ZC3H7B: variants seen among roughly 807,000 people sequenced by gnomAD.
The protein encoded by ZC3H7B is zinc finger CCCH domain-containing protein 7B.
In ZC3H7B, 35 loss-of-function variants were observed where a neutral mutation model predicts 116.0. That is an observed-to-expected ratio of 0.30 (90% CI 0.23 to 0.40). The LOEUF (loss-of-function observed/expected upper bound fraction) is 0.40. Ranked by LOEUF, ZC3H7B falls within the 10% of genes least tolerant of loss-of-function variation. ZC3H7B has a pLI of 1.00. For synonymous variants in ZC3H7B, 502 were observed against 545.6 expected, an observed-to-expected ratio of 0.92 and a Z score of 1.11; for missense variants, 1,011 against 1,321.5, an observed-to-expected ratio of 0.77 and a Z score of 3.64.
chr22:41,340,099 C>G lies in ZC3H7B; in HGVS notation c.1100C>G (p.Ser367Trp). ...CTGGATGCACTCGACAGCTTTGGGT[C>G]GACACGAGGCTCCCTGGACAAACCT... The part of the protein sequence containing the change: ...TRLDALDSFG[S>W]TRGSLDKPDS... Residue 367 changes from serine (S) to tryptophan (W), a missense_variant, in exon 10 of 23, where the codon TCG (serine) becomes TGG (tryptophan). Physicochemically the swap from Ser to Trp is radical, Grantham distance 177. Transcript: ENST00000352645. The G allele has an allele frequency of 1.2e-6, 2 of 1,611,086 alleles. No homozygotes were observed. The highest frequency in any genetic ancestry group is 1.7e-6 in the Non-Finnish European group (2 of 1,179,280).
chr22:41,325,172 G>A (rs1162684258), intron 2 of ZC3H7B, among the ~76,000 whole-genome samples: 2 of 152,172 alleles, frequency 1.3e-5, no homozygotes, highest in Non-Finnish European at 2.9e-5. Flanking sequence ...AGCAGGGACT[G>A]GGGCTAGGTC....
intron 4 of ZC3H7B, among the ~76,000 whole-genome samples, chr22:41,326,522 C>T (rs574097236): frequency 3.3e-5 from 5 of 151,770 alleles, no homozygotes; most frequent in Middle Eastern, 3.4e-3. Flanking sequence ...CCCATAGCCT[C>T]AGCCTCCTCA....
rs1395692996 is a variant in ZC3H7B at position 41,356,344 on chromosome 22, C to G, written c.2385C>G (p.Ile795Met). The G allele has an allele frequency of 1.2e-5, 19 of 1,614,076 alleles. No homozygotes were observed. Among genetic ancestry groups the G allele is most frequent in the Admixed American group, 1.7e-5 (1 of 60,022 alleles). ...GCCCTGTCCCTGTCCCCTGCCCAGT[C>G]CTGGACATGCAGCAGACCTATGACA... ...DMWTFMKENK[I>M]LDMQQTYDMW... The change falls in exon 21 of 23, where the codon ATC (isoleucine) becomes ATG (methionine). Residue 795 changes from isoleucine (I) to methionine (M), a missense_variant and splice_region_variant. Coordinates refer to ENST00000352645, the MANE Select transcript of ZC3H7B (RefSeq NM_017590.6).
Position 41,357,487 on chromosome 22 carries a change from G to C in ZC3H7B, c.*58G>C. The C allele has an allele frequency of 6.4e-7, 1 of 1,570,382 alleles. No homozygotes were observed. The highest frequency in any genetic ancestry group is 1.7e-5 in the Admixed American group (1 of 58,984). On this transcript the variant is annotated 3_prime_UTR_variant, in exon 23 of 23. Transcript: ENST00000352645. The surrounding 1 kb of genome is among the most constrained non-coding windows in gnomAD (Gnocchi z 5.4). ...GTCAGGGGGTGGGGTGGGGCCAGAA[G>C]GCCTGATAGAAGGGTCAGGGCAGGC...
At chr22:41,352,719 G>T (rs773928354) in intron 17 of ZC3H7B, among the ~76,000 whole-genome samples, 3 of 151,802 alleles carry the variant, frequency 2.0e-5, no homozygotes, top group African/African-American at 7.3e-5. Context: ...CTGAGATCAC[G>T]CTGTTGCACT....
chr22:41,303,195 T>C (rs1225626555), intron 1 of ZC3H7B, among the ~76,000 whole-genome samples: 1 of 152,056 alleles, frequency 6.6e-6, no homozygotes, highest in Non-Finnish European at 1.5e-5. Context: ...TGGTCAACAG[T>C]TGGATGGAGC....
intron 11 of ZC3H7B, 91 bp from the exon 12 acceptor site, chr22:41,342,436 CAT>C: frequency 8.4e-7 from 1 of 1,193,992 alleles, no homozygotes; most frequent in Non-Finnish European, 1.2e-6. Context: ...ATAGGGGGGT[CAT>C]AGAGCACTCC....
At chr22:41,337,405 G>GTCATTTCATCCTGATAGCCT (rs1321678128) in intron 7 of ZC3H7B, among the ~76,000 whole-genome samples, 3 of 152,104 alleles carry the variant, frequency 2.0e-5, no homozygotes, top group African/African-American at 7.2e-5. Context: ...CACATAGCAA[G>GTCATTTCATCCTGATAGCCT]TCATTTCATC....
Position 41,327,099 on chromosome 22 carries a change from T to C in ZC3H7B, c.286-107T>C. The C allele has an allele frequency of 6.7e-7, 1 of 1,501,578 alleles. No individual in the cohort carries two copies. Among genetic ancestry groups the C allele is most frequent in the Non-Finnish European group, 9.0e-7 (1 of 1,115,060 alleles). The allele number at this position is 1,501,578 out of a possible 1,614,324, so 93.0% of individuals were successfully genotyped here. A position where few individuals can be genotyped will look rare whatever the true frequency, so the allele number is the denominator to read the frequency against. On this transcript the variant is annotated intron_variant, in intron 4 of 22. Transcript: ENST00000352645. The surrounding 1 kb of genome is among the most constrained non-coding windows in gnomAD (Gnocchi z 4.5). ...CTGACCCAAGACTTCAGCTCCTCTG[T>C]CTCTGCCAGGAAGGGAAGCTGGTGT...
rs1213779893 is a variant in ZC3H7B at position 41,359,793 on chromosome 22, C to T, written c.*2364C>T. 1 of 150,612 alleles carries T rather than the reference C, an allele frequency of 6.6e-6. No individual in the cohort carries two copies. Among genetic ancestry groups the T allele is most frequent in the African/African-American group, 2.5e-5 (1 of 40,640 alleles). The allele number at this position is 150,612 out of a possible 1,614,324, so 9.3% of individuals were successfully genotyped here. On this transcript the variant is annotated 3_prime_UTR_variant, in exon 23 of 23. Coordinates refer to ENST00000352645, the MANE Select transcript of ZC3H7B (RefSeq NM_017590.6). ...AAGACCCTTTTAATGATGAGGGTAACTATTTCAGTTGTGAGCCTTCTAGGG... is the reference window on the plus strand; with the variant it reads ...AAGACCCTTTTAATGATGAGGGTAATTATTTCAGTTGTGAGCCTTCTAGGG...
At chr22:41,333,454 C>G (rs2036407243) in intron 7 of ZC3H7B, 1 of 152,086 alleles carries the variant, frequency 6.6e-6, no homozygotes, top group Non-Finnish European at 1.5e-5. Flanking sequence ...AATGAAACCC[C>G]ATCCCTGCCA....
At position 41,330,088 on chromosome 22, in the gene ZC3H7B, G is replaced by A. The variant is rs749173065; in HGVS notation, c.510G>A (p.Ala170=). The change falls in exon 6 of 23, where the codon GCG becomes GCA. Residue 170 remains alanine, a synonymous_variant. Coordinates refer to ENST00000352645, the MANE Select transcript of ZC3H7B (RefSeq NM_017590.6). ...AQKLGLRVRK[A]YKRPQELETF... ...AACTGGGGCTGCGAGTTCGCAAGGC[G>A]TATAAGAGGCCCCAGGTAGGTGGGT... 145 of 1,613,790 alleles carry A rather than the reference G, an allele frequency of 9.0e-5. No homozygotes were observed. The East Asian group carries it at 1.2e-3, about 14-fold the overall frequency.
At chr22:41,354,527 C>G (rs1018873693) in intron 17 of ZC3H7B, among the ~76,000 whole-genome samples, 3 of 152,116 alleles carry the variant, frequency 2.0e-5, no homozygotes, top group Non-Finnish European at 1.5e-5. Flanking sequence ...GGGGGAGTTC[C>G]TATGGCAGGA....
Position 41,357,425 on chromosome 22 carries a change from A to C in ZC3H7B, c.2930A>C (p.Glu977Ala). The C allele has an allele frequency of 7.2e-7, 1 of 1,383,928 alleles. No individual in the cohort carries two copies. Among genetic ancestry groups the C allele is most frequent in the Middle Eastern group, 2.0e-4 (1 of 4,904 alleles). The allele number at this position is 1,383,928 out of a possible 1,614,324, so 85.7% of individuals were successfully genotyped here. ...PAAAATATTG[E>A] Reference sequence around the variant, plus strand: ...GCTGCTGCCACCGCCACCACTGGGGAGTAGGGCCAGGTGTTGGCCGTGGGT... The same window carrying C: ...GCTGCTGCCACCGCCACCACTGGGGCGTAGGGCCAGGTGTTGGCCGTGGGT... Residue 977 changes from glutamate to alanine, a missense_variant, in exon 23 of 23, where the codon GAG becomes GCG. By Grantham distance (107) the Glu-to-Ala change is moderately radical (BLOSUM62 -1). This residue lies in a region of ZC3H7B where 406 missense variants were observed against 590.2 expected (regional missense o/e 0.69). Transcript: ENST00000352645. The surrounding 1 kb of genome is among the most constrained non-coding windows in gnomAD (Gnocchi z 5.4).
chr22:41,305,276 C>T (rs999008237), intron 1 of ZC3H7B, among the ~76,000 whole-genome samples: 2 of 150,408 alleles, frequency 1.3e-5, no homozygotes, highest in East Asian at 2.0e-4. Flanking sequence ...ACCCAGGAGG[C>T]GGAGCTTGCA....
chr22:41,313,330 T>C (rs1045619822), intron 1 of ZC3H7B, among the ~76,000 whole-genome samples: 2 of 152,024 alleles, frequency 1.3e-5, no homozygotes, highest in Non-Finnish European at 2.9e-5. Context: ...CGTGACGAGG[T>C]CTGGATCTCC....
At chr22:41,306,819 C>G (rs899442896) in intron 1 of ZC3H7B, among the ~76,000 whole-genome samples, 1 of 152,044 alleles carries the variant, frequency 6.6e-6, no homozygotes, top group Non-Finnish European at 1.5e-5. Context: ...TGGAGCTGGC[C>G]TGGTGTGGGC....
chr22:41,352,161 G>T (rs747414811), intron 17 of ZC3H7B, among the ~76,000 whole-genome samples: 2 of 152,152 alleles, frequency 1.3e-5, no homozygotes, highest in Non-Finnish European at 2.9e-5. Context: ...ATGAAGAAAC[G>T]GTTCTTTAGT....
At position 41,327,713 on chromosome 22, in the gene ZC3H7B, A is replaced by C. The variant is rs1056746994; in HGVS notation, c.444+349A>C. 3.3e-5 allele frequency among the ~76,000 whole-genome samples: 5 copies of C among 152,234 alleles called. No homozygotes were observed. In the South Asian group the frequency reaches 1.0e-3, roughly 32 times the overall value. On this transcript the variant is annotated intron_variant, in intron 5 of 22. Transcript: ENST00000352645. The surrounding 1 kb of genome is among the most constrained non-coding windows in gnomAD (Gnocchi z 4.5). ...TGAGGCAGGCGGATCACCTGAGGTC[A>C]GGAGTTTGAGACCAGCCTGGCCAAC... is the stretch of plus-strand genomic sequence containing the variant.
Sources: allele counts gnomAD v4.1 joint callset (sites outside exome capture counted in the v4.1 genomes callset), GRCh38; gene constraint gnomAD v4.1.1; regional missense constraint gnomAD v4.1.1; non-coding constraint Gnocchi (gnomAD v3.1); transcripts MANE v1.5; gene names NCBI Gene and HGNC (gene_info 2026-07-23, HGNC 2026-07-21).